The following MATCAP2 variants were observed in gnomAD, a reference collection of about 807,000 sequenced individuals.
The protein encoded by MATCAP2 is putative tyrosine carboxypeptidase MATCAP2.
the MATCAP2 span, chr7:36,357,054 A>T: frequency 6.2e-7 from 1 of 1,614,186 alleles, no homozygotes; most frequent in Non-Finnish European, 8.5e-7. Flanking sequence ...ATAGCAGTCA[A>T]TATACAAAAT....
chr7:36,379,217 A>G, the MATCAP2 span, among the ~76,000 whole-genome samples: 2 of 152,126 alleles, frequency 1.3e-5, no homozygotes, highest in Non-Finnish European at 2.9e-5. Context: ...AGCTGTTCCT[A>G]TTTGGCCATC....
At chr7:36,327,002 GA>G in the MATCAP2 span, 2 of 1,202,224 alleles carry the variant, frequency 1.7e-6, no homozygotes, top group Non-Finnish European at 2.3e-6. Context: ...GGCCTTAAAT[GA>G]AAGTATACAG....
chr7:36,390,208 G>T, the MATCAP2 span: 2 of 1,120,554 alleles, frequency 1.8e-6, no homozygotes, highest in Non-Finnish European at 2.5e-6. Flanking sequence ...GCCTGCTGTG[G>T]TTGGTGGGTT....
At chr7:36,358,466 C>G in the MATCAP2 span, among the ~76,000 whole-genome samples, 1 of 151,892 alleles carries the variant, frequency 6.6e-6, no homozygotes, top group Non-Finnish European at 1.5e-5. Flanking sequence ...CTAAGCTGTA[C>G]GTTAAGGTTA....
the MATCAP2 span, among the ~76,000 whole-genome samples, chr7:36,362,821 T>C: frequency 1.3e-5 from 2 of 152,224 alleles, no homozygotes; most frequent in African/African-American, 2.4e-5. Context: ...TCAGTTCAAA[T>C]AGCACTTGGT....
chr7:36,379,429 T>C, the MATCAP2 span, among the ~76,000 whole-genome samples: 1 of 152,198 alleles, frequency 6.6e-6, no homozygotes, highest in Non-Finnish European at 1.5e-5. Context: ...GAGTAACATA[T>C]ATGACTATGT....
At chr7:36,357,010 T>A in the MATCAP2 span, 19 of 1,614,122 alleles carry the variant, frequency 1.2e-5, no homozygotes, top group Non-Finnish European at 1.4e-5. Flanking sequence ...ATTTGAAGAA[T>A]CTCAGTTTTT....
the MATCAP2 span, among the ~76,000 whole-genome samples, chr7:36,374,114 C>G: frequency 6.6e-6 from 1 of 152,124 alleles, no homozygotes; most frequent in Non-Finnish European, 1.5e-5. Flanking sequence ...CAGTCTCACT[C>G]TGTCACCCAG....
chr7:36,350,440 T>C, the MATCAP2 span, among the ~76,000 whole-genome samples: 6 of 152,020 alleles, frequency 3.9e-5, no homozygotes, highest in South Asian at 2.1e-4. Context: ...CTATGTGAAA[T>C]AGAGCTGGTG....
the MATCAP2 span, chr7:36,389,717 G>T: frequency 3.2e-6 from 1 of 313,818 alleles, no homozygotes; most frequent in East Asian, 5.4e-5. Flanking sequence ...GGGCCGGGAA[G>T]GAGGCGGGGC....
chr7:36,346,605 G>A, the MATCAP2 span, among the ~76,000 whole-genome samples: 1 of 152,194 alleles, frequency 6.6e-6, no homozygotes, highest in Non-Finnish European at 1.5e-5. Context: ...AAATAGACTG[G>A]TGGTTGCCTA....
the MATCAP2 span, among the ~76,000 whole-genome samples, chr7:36,338,947 T>C: frequency 1.3e-5 from 2 of 152,222 alleles, no homozygotes; most frequent in Non-Finnish European, 2.9e-5. Flanking sequence ...GCCCCCTCTT[T>C]GAGTTGTCCT....
the MATCAP2 span, among the ~76,000 whole-genome samples, chr7:36,329,709 T>C: frequency 1.3e-5 from 2 of 152,214 alleles, no homozygotes; most frequent in African/African-American, 4.8e-5. Flanking sequence ...ACCAGTGTAA[T>C]TGATTTGGGA....
the MATCAP2 span, chr7:36,357,004 G>T: frequency 5.0e-6 from 8 of 1,613,972 alleles, no homozygotes; most frequent in Non-Finnish European, 6.8e-6. Flanking sequence ...AGTCAGATTT[G>T]AAGAATCTCA....
chr7:36,369,626 C>T, the MATCAP2 span, among the ~76,000 whole-genome samples: 1 of 152,170 alleles, frequency 6.6e-6, no homozygotes, highest in African/African-American at 2.4e-5. Flanking sequence ...AACCAAGATA[C>T]ATATTATCTT....
At chr7:36,376,524 T>C in the MATCAP2 span, among the ~76,000 whole-genome samples, 2 of 152,204 alleles carry the variant, frequency 1.3e-5, no homozygotes, top group African/African-American at 2.4e-5. Flanking sequence ...TGTCGTCAAT[T>C]TTGGAATAAG....
the MATCAP2 span, chr7:36,326,665 T>TC: frequency 8.8e-7 from 1 of 1,135,210 alleles, no homozygotes; most frequent in South Asian, 1.8e-5. Flanking sequence ...ACACAAGTAG[T>TC]CTTTCTTCTT....
At chr7:36,327,784 A>G in the MATCAP2 span, among the ~76,000 whole-genome samples, 2 of 152,232 alleles carry the variant, frequency 1.3e-5, no homozygotes, top group African/African-American at 4.8e-5. Flanking sequence ...CTCAACTAGT[A>G]AAGAATGTAA....
chr7:36,347,414 T>C, the MATCAP2 span, among the ~76,000 whole-genome samples: 1 of 152,164 alleles, frequency 6.6e-6, no homozygotes, highest in Non-Finnish European at 1.5e-5. Context: ...AAAAACTACA[T>C]ACAATGAGGA....
Sources: gnomAD v4.1 joint callset for allele counts (sites outside exome capture counted in the v4.1 genomes callset) on GRCh38, gnomAD v4.1.1 for gene constraint, MANE v1.5 for transcripts, NCBI Gene and HGNC (gene_info 2026-07-23, HGNC 2026-07-21) for gene names.